ANO4: variants seen among roughly 807,000 people sequenced by gnomAD.
The protein encoded by ANO4 is anoctamin-4.
A neutral mutation model predicts 141.9 loss-of-function variants in ANO4; 69 were observed. The observed-to-expected ratio is 0.49, with a 90% CI of 0.40 to 0.59. ANO4 has a LOEUF of 0.59. Among genes scored for constraint, ANO4 ranks in the 20% least tolerant of loss-of-function variants. The pLI is 0.00. For missense variants in ANO4, 894 were observed against 1,162.2 expected (o/e 0.77, Z 3.36); for synonymous variants, 350 against 394.3 (o/e 0.89, Z 1.33).
chr12:100,900,807 C>T (rs1334491933), intron 1 of ANO4, among the ~76,000 whole-genome samples: 2 of 152,128 alleles, frequency 1.3e-5, no homozygotes, highest in Non-Finnish European at 2.9e-5. Flanking sequence ...CCCTCATCAA[C>T]TAATAAAAAA....
At chr12:101,090,222 AT>A (rs2074954148) in intron 17 of ANO4, among the ~76,000 whole-genome samples, 1 of 152,218 alleles carries the variant, frequency 6.6e-6, no homozygotes, top group Admixed American at 6.5e-5. Flanking sequence ...TAGAAATACC[AT>A]TTGGCCCAGC....
chr12:101,076,042 A>G (rs976145568), intron 14 of ANO4, among the ~76,000 whole-genome samples: 10 of 152,218 alleles, frequency 6.6e-5, no homozygotes, highest in Non-Finnish European at 1.3e-4. Context: ...TTGCACAAGC[A>G]GCTAATTTCT....
chr12:100,833,183 G>A (rs1052874061), intron 1 of ANO4, among the ~76,000 whole-genome samples: 12 of 152,014 alleles, frequency 7.9e-5, no homozygotes, highest in Admixed American at 5.3e-4. Context: ...GTAACTTATG[G>A]CCTCCAATCT....
chr12:100,922,281 G>T lies in ANO4; in HGVS notation c.111G>T (p.Gly37=). The change falls in exon 3 of 28, where the codon GGG becomes GGT. Residue 37 remains glycine, a synonymous_variant. Transcript: ENST00000392977. ...TGGATATGCAAATACTACCTGACGGGCCAAAGAGTGATGTGGACTTTTCAG... is the reference window on the plus strand; with the variant it reads ...TGGATATGCAAATACTACCTGACGGTCCAAAGAGTGATGTGGACTTTTCAG... ...YQLDMQILPD[G]PKSDVDFSEI... 7 of 1,533,334 alleles carry T rather than the reference G, an allele frequency of 4.6e-6. No homozygotes were observed. The highest frequency in any genetic ancestry group is 6.1e-6 in the Non-Finnish European group (7 of 1,145,952). 95.0% of individuals were successfully genotyped at this position (1,533,334 alleles called of 1,614,324 possible).
chr12:100,725,638 A>G (rs2031083901), intron 1 of ANO4, among the ~76,000 whole-genome samples: 1 of 151,816 alleles, frequency 6.6e-6, no homozygotes, highest in African/African-American at 2.4e-5. Flanking sequence ...GAGCCACCAC[A>G]CCCGGCCGGA....
intron 24 of ANO4, among the ~76,000 whole-genome samples, chr12:101,112,584 G>C (rs767121102): frequency 1.2e-4 from 18 of 152,154 alleles, no homozygotes; most frequent in Non-Finnish European, 2.4e-4. Flanking sequence ...ATGGGCTGCT[G>C]TCTACTTATA....
chr12:100,717,695 A>G (rs910507004), intron 1 of ANO4: 12 of 394,236 alleles, frequency 3.0e-5, no homozygotes, highest in Non-Finnish European at 5.4e-5. Flanking sequence ...GCCGCTCCTG[A>G]GGGGCCGATG....
rs1423079945 is a variant in ANO4 at position 100,901,675 on chromosome 12, A to T, written c.-111A>T. Reference sequence around the variant, plus strand: ...AAGTTTATCTATTCATGGGGCTGAAAAGCGTTTGCAAATCCATCAACGGCG... The same window carrying T: ...AAGTTTATCTATTCATGGGGCTGAATAGCGTTTGCAAATCCATCAACGGCG... On this transcript the variant is annotated 5_prime_UTR_variant, in exon 2 of 28. Transcript: ENST00000392977. The T allele has an allele frequency of 2.2e-6, 2 of 922,722 alleles. No individual in the cohort carries two copies. The highest frequency in any genetic ancestry group is 3.6e-6 in the Non-Finnish European group (2 of 549,008). The allele number at this position is 922,722 out of a possible 1,614,324, so 57.2% of individuals were successfully genotyped here.
chr12:100,867,981 AG>A (rs1159947732), intron 1 of ANO4, among the ~76,000 whole-genome samples: 1 of 152,212 alleles, frequency 6.6e-6, no homozygotes, highest in Non-Finnish European at 1.5e-5. Flanking sequence ...AAATAACATC[AG>A]GATGGATCTC....
At chr12:100,839,768 T>A (rs1312864081) in intron 1 of ANO4, among the ~76,000 whole-genome samples, 1 of 152,108 alleles carries the variant, frequency 6.6e-6, no homozygotes. Flanking sequence ...ACTAGTTAAT[T>A]TAGTGTGGCA....
chr12:100,922,505 G>T (rs1050307513), intron 3 of ANO4, among the ~76,000 whole-genome samples, 175 bp downstream of exon 3: 2 of 152,042 alleles, frequency 1.3e-5, no homozygotes, highest in African/African-American at 4.8e-5. Context: ...AGTGAAAGAG[G>T]TTTAATTTGT....
At chr12:100,999,897 A>AAT (rs372550484) in intron 8 of ANO4, among the ~76,000 whole-genome samples, 66 of 150,874 alleles carry the variant, frequency 4.4e-4, no homozygotes, top group African/African-American at 1.6e-3. Context: ...AAAAAAAAAA[A>AAT]CTTTAGCCAG....
At chr12:101,081,942 C>A (rs1393766915) in intron 15 of ANO4, among the ~76,000 whole-genome samples, 1 of 152,024 alleles carries the variant, frequency 6.6e-6, no homozygotes, top group Non-Finnish European at 1.5e-5. Context: ...ACTTAATTAC[C>A]ACTATAAAAA....
At chr12:100,796,166 A>G (rs537644283) in intron 1 of ANO4, among the ~76,000 whole-genome samples, 11 of 150,870 alleles carry the variant, frequency 7.3e-5, no homozygotes, top group Non-Finnish European at 1.6e-4. Context: ...GGGTTATCTT[A>G]TTTGTGTAGG....
chr12:100,819,049 G>A (rs12314016), intron 1 of ANO4, among the ~76,000 whole-genome samples: 10 of 148,374 alleles, frequency 6.7e-5, no homozygotes, highest in African/African-American at 2.0e-4. Context: ...ATATATATGT[G>A]TATATATATA....
intron 2 of ANO4, among the ~76,000 whole-genome samples, chr12:100,734,314 C>A (rs1158834190): frequency 3.9e-5 from 6 of 152,160 alleles, no homozygotes; most frequent in African/African-American, 1.2e-4. Context: ...CAAAGTGAGA[C>A]TTTCTCCTTG....
At chr12:100,826,732 A>G (rs2036364946) in intron 1 of ANO4, among the ~76,000 whole-genome samples, 1 of 151,924 alleles carries the variant, frequency 6.6e-6, no homozygotes, top group Non-Finnish European at 1.5e-5. Context: ...TCCAAACTTA[A>G]CCTGGCTAAA....
At chr12:100,847,528 G>A (rs1318985845) in intron 1 of ANO4, among the ~76,000 whole-genome samples, 2 of 148,970 alleles carry the variant, frequency 1.3e-5, no homozygotes, top group Non-Finnish European at 3.0e-5. Context: ...CTGGAGCGCA[G>A]TGGTGCAATC....
At chr12:100,979,418 C>T (rs2044349757) in intron 7 of ANO4, among the ~76,000 whole-genome samples, 2 of 152,014 alleles carry the variant, frequency 1.3e-5, no homozygotes, top group Non-Finnish European at 2.9e-5. Context: ...CCAAGTGATA[C>T]CTGTGCTGAT....
Sources: gnomAD v4.1 joint callset for allele counts (sites outside exome capture counted in the v4.1 genomes callset) on GRCh38, gnomAD v4.1.1 for gene constraint, MANE v1.5 for transcripts, NCBI Gene and HGNC (gene_info 2026-07-23, HGNC 2026-07-21) for gene names.